Variants in TMEFF2 observed in about 807,000 individuals in gnomAD.
The protein encoded by TMEFF2 is transmembrane protein with EGF like and two follistatin like domains 2.
Under a neutral mutation model 53.8 loss-of-function variants are expected in TMEFF2, and 28 were observed. That is an observed-to-expected ratio of 0.52 (90% CI 0.39 to 0.71). The LOEUF (loss-of-function observed/expected upper bound fraction) is 0.71, where lower values mean the gene tolerates loss of function less well. TMEFF2 is among the 30% of genes least tolerant of loss of function. TMEFF2 has a pLI of 0.00. For synonymous variants in TMEFF2, 162 were observed against 166.3 expected (o/e 0.97, Z 0.20); for missense variants, 353 against 455.2 (o/e 0.78, Z 2.04).
chr2:191,992,395 C>A (rs771101556), intron 7 of TMEFF2, among the ~76,000 whole-genome samples: 1 of 152,014 alleles, frequency 6.6e-6, no homozygotes, highest in Non-Finnish European at 1.5e-5. Flanking sequence ...CATTTGATAT[C>A]CATGCCTAAA....
chr2:191,982,504 CAA>C (rs10678696), intron 7 of TMEFF2, among the ~76,000 whole-genome samples: 7 of 138,658 alleles, frequency 5.0e-5, no homozygotes, highest in African/African-American at 5.3e-5. Context: ...TGAAAACAGG[CAA>C]AAAAAAAAAA....
At chr2:192,000,114 C>T (rs1334153639) in intron 5 of TMEFF2, among the ~76,000 whole-genome samples, 1 of 151,856 alleles carries the variant, frequency 6.6e-6, no homozygotes, top group African/African-American at 2.4e-5. Context: ...TTTTATTATT[C>T]TGAATATTGT....
At chr2:192,072,964 G>C (rs904466117) in intron 4 of TMEFF2, among the ~76,000 whole-genome samples, 14 of 151,924 alleles carry the variant, frequency 9.2e-5, no homozygotes, top group Non-Finnish European at 1.8e-4. Context: ...CAGAAGCATG[G>C]GCTGTCTTTC....
At chr2:192,168,767 T>TGGCA (rs1690833012) in intron 4 of TMEFF2, among the ~76,000 whole-genome samples, 1 of 152,128 alleles carries the variant, frequency 6.6e-6, no homozygotes. Context: ...ATAATTTAAA[T>TGGCA]GGCAGCATGC....
At chr2:192,021,080 T>TA (rs1686847980) in intron 5 of TMEFF2, among the ~76,000 whole-genome samples, 1 of 152,176 alleles carries the variant, frequency 6.6e-6, no homozygotes, top group African/African-American at 2.4e-5. Context: ...TAAGAATACC[T>TA]AGTCCTCCCT....
chr2:192,106,114 TA>T (rs1367367094), intron 4 of TMEFF2, among the ~76,000 whole-genome samples: 1 of 151,658 alleles, frequency 6.6e-6, no homozygotes, highest in Non-Finnish European at 1.5e-5. Context: ...TTAAATACAG[TA>T]AAAAATTAGG....
intron 4 of TMEFF2, among the ~76,000 whole-genome samples, chr2:192,165,210 A>G (rs1435878145): frequency 6.6e-6 from 1 of 152,228 alleles, no homozygotes; most frequent in African/African-American, 2.4e-5. Flanking sequence ...ACTTTAAAAA[A>G]TAACAGACTA....
intron 2 of TMEFF2, among the ~76,000 whole-genome samples, chr2:192,188,559 C>T (rs764649610): frequency 5.3e-5 from 8 of 152,152 alleles, no homozygotes; most frequent in Admixed American, 2.6e-4. Context: ...AATAAATATT[C>T]ATTGTCTTAA....
chr2:191,974,789 GAGA>G (rs1692752291), intron 7 of TMEFF2, among the ~76,000 whole-genome samples: 1 of 152,052 alleles, frequency 6.6e-6, no homozygotes, highest in Non-Finnish European at 1.5e-5. Flanking sequence ...AGTCTATCTG[GAGA>G]AGAATTGTAG....
chr2:192,072,656 T>C (rs1014972959), intron 4 of TMEFF2, among the ~76,000 whole-genome samples: 3 of 151,910 alleles, frequency 2.0e-5, no homozygotes, highest in Non-Finnish European at 4.4e-5. Context: ...TACTTAAAAC[T>C]TTGTGAAATA....
intron 4 of TMEFF2, among the ~76,000 whole-genome samples, chr2:192,064,439 TAA>T (rs1428107097): frequency 2.0e-5 from 3 of 151,824 alleles, no homozygotes; most frequent in Non-Finnish European, 2.9e-5. Flanking sequence ...GGCAAAAAGC[TAA>T]AGTTTTCTAT....
At chr2:192,159,455 G>A (rs1455457097) in intron 4 of TMEFF2, among the ~76,000 whole-genome samples, 1 of 152,074 alleles carries the variant, frequency 6.6e-6, no homozygotes, top group Non-Finnish European at 1.5e-5. Context: ...CTGTGATTCT[G>A]GGAACTGAAT....
At chr2:192,032,043 C>T (rs1687150945) in intron 5 of TMEFF2, 2 of 152,190 alleles carry the variant, frequency 1.3e-5, no homozygotes, top group Non-Finnish European at 2.9e-5. Context: ...GTTGGAAACA[C>T]AAAGCACTTT....
At chr2:192,007,618 G>A (rs1234144583) in intron 5 of TMEFF2, among the ~76,000 whole-genome samples, 1 of 152,136 alleles carries the variant, frequency 6.6e-6, no homozygotes, top group Admixed American at 6.5e-5. Flanking sequence ...GATTGCAAAG[G>A]GCCTCAATTC....
At chr2:192,088,192 ATT>A (rs58485065) in intron 4 of TMEFF2, among the ~76,000 whole-genome samples, 9 of 150,092 alleles carry the variant, frequency 6.0e-5, no homozygotes, top group Middle Eastern at 3.5e-3. Context: ...TCAAATAGTT[ATT>A]TTTTTTTTTC....
chr2:191,973,426 T>C (rs1187081420), intron 7 of TMEFF2, among the ~76,000 whole-genome samples: 2 of 152,188 alleles, frequency 1.3e-5, no homozygotes, highest in African/African-American at 4.8e-5. Context: ...TGTGTGTATA[T>C]ACACATACAC....
intron 4 of TMEFF2, among the ~76,000 whole-genome samples, chr2:192,137,313 T>G (rs1421946410): frequency 6.6e-6 from 1 of 152,130 alleles, no homozygotes; most frequent in Non-Finnish European, 1.5e-5. Flanking sequence ...GCTGAAAGGA[T>G]GGAAGAGAAT....
chr2:192,033,884 T>A (rs1413863430), intron 5 of TMEFF2, among the ~76,000 whole-genome samples: 1 of 152,078 alleles, frequency 6.6e-6, no homozygotes, highest in Non-Finnish European at 1.5e-5. Context: ...CTTTAAAAAA[T>A]CCTTTTTTTG....
At chr2:192,012,064 C>G (rs374231037) in intron 5 of TMEFF2, among the ~76,000 whole-genome samples, 1 of 151,840 alleles carries the variant, frequency 6.6e-6, no homozygotes, top group South Asian at 2.1e-4. Context: ...CCACCAGGCC[C>G]GGCTAATTTT....
Sources: allele counts gnomAD v4.1 joint callset (sites outside exome capture counted in the v4.1 genomes callset), GRCh38; gene constraint gnomAD v4.1.1; transcripts MANE v1.5; gene names NCBI Gene and HGNC (gene_info 2026-07-23, HGNC 2026-07-21).